DPP6: variants seen among roughly 807,000 people sequenced by gnomAD.
DPP6 encodes the protein A-type potassium channel modulatory protein DPP6.
DPP6 carries 69 observed loss-of-function variants against 122.6 expected under a neutral mutation model. The ratio of observed to expected loss-of-function variants is 0.56; its 90% confidence interval spans 0.46 to 0.69. The LOEUF (loss-of-function observed/expected upper bound fraction) is 0.69, where lower values mean the gene tolerates loss of function less well. DPP6 is among the 30% of genes least tolerant of loss of function. DPP6 has a pLI of 0.00. For missense variants in DPP6, 928 were observed against 1,116.9 expected (o/e 0.83, Z 2.41); for synonymous variants, 418 against 433.1 (o/e 0.97, Z 0.43).
intron 1 of DPP6, among the ~76,000 whole-genome samples, chr7:153,950,829 G>T (rs1315519724): frequency 1.3e-5 from 2 of 152,220 alleles, no homozygotes; most frequent in Non-Finnish European, 2.9e-5. Flanking sequence ...ATGCAGTAAA[G>T]AGTTGGCTCT....
Position 154,853,493 on chromosome 7 carries a change from G to A in DPP6, c.1667-287G>A, listed in dbSNP as rs545863946. Among the ~76,000 whole-genome samples, 38 of 152,310 alleles carry A rather than the reference G, an allele frequency of 2.5e-4. No homozygotes were observed. In the Middle Eastern group the frequency reaches 0.017, roughly 68 times the overall value. On this transcript the variant is annotated intron_variant, in intron 16 of 25. Coordinates refer to ENST00000377770, the MANE Select transcript of DPP6 (RefSeq NM_130797.4). ...GATGTTATGAGGATATAAACCAAAT[G>A]TAATGCTTCATAGAATGATGTTTTA... is the stretch of plus-strand genomic sequence containing the variant.
chr7:154,740,356 T>G (rs1226692614), intron 8 of DPP6, among the ~76,000 whole-genome samples: 1 of 152,060 alleles, frequency 6.6e-6, no homozygotes, highest in Non-Finnish European at 1.5e-5. Context: ...ATTTGCCCTA[T>G]TATTGAGAGT....
intron 17 of DPP6, among the ~76,000 whole-genome samples, chr7:154,854,336 G>A (rs1043813965): frequency 3.9e-5 from 6 of 152,224 alleles, no homozygotes; most frequent in African/African-American, 1.2e-4. Flanking sequence ...TGTGAAAGGG[G>A]AGGGAGATTC....
At chr7:154,540,493 G>C (rs372303793) in intron 3 of DPP6, 39 bp from the exon 4 acceptor site, 8 of 1,267,650 alleles carry the variant, frequency 6.3e-6, no homozygotes, top group Non-Finnish European at 9.1e-6. Context: ...AGAGTTCCTT[G>C]ATGTTTCATG....
intron 17 of DPP6, among the ~76,000 whole-genome samples, chr7:154,865,827 G>C (rs1803823694): frequency 6.6e-6 from 1 of 152,068 alleles, no homozygotes; most frequent in Non-Finnish European, 1.5e-5. Context: ...GAAAGACTTG[G>C]GTAGAAACCC....
intron 16 of DPP6, among the ~76,000 whole-genome samples, chr7:154,812,599 C>G (rs1317693499): frequency 6.6e-6 from 1 of 152,082 alleles, no homozygotes; most frequent in East Asian, 1.9e-4. Context: ...TATAAGTGCA[C>G]TAATGCCATT....
At chr7:153,778,728 G>A in the DPP6 span, among the ~76,000 whole-genome samples, 1 of 151,422 alleles carries the variant, frequency 6.6e-6, no homozygotes, top group Non-Finnish European at 1.5e-5. Flanking sequence ...CCTCATACAG[G>A]GCTGGTGGAA....
chr7:154,500,137 A>G (rs1825105958), intron 3 of DPP6, among the ~76,000 whole-genome samples: 1 of 152,174 alleles, frequency 6.6e-6, no homozygotes, highest in South Asian at 2.1e-4. Context: ...TTTCAGAAGG[A>G]AAGCAGGTGA....
intron 4 of DPP6, among the ~76,000 whole-genome samples, chr7:154,543,613 A>C (rs1828905074): frequency 6.6e-6 from 1 of 152,198 alleles, no homozygotes; most frequent in Non-Finnish European, 1.5e-5. Context: ...ATTTCTTTTG[A>C]CTAAATTTAC....
chr7:153,780,022 A>C, the DPP6 span, among the ~76,000 whole-genome samples: 2 of 151,722 alleles, frequency 1.3e-5, no homozygotes, highest in Admixed American at 1.3e-4. Context: ...GTTATTTCAA[A>C]GAGTTAAAAA....
chr7:153,924,849 C>T (rs1035195497), intron 1 of DPP6, among the ~76,000 whole-genome samples: 38 of 152,172 alleles, frequency 2.5e-4, no homozygotes, highest in African/African-American at 9.2e-4. Context: ...CAGGGGGTAG[C>T]AGGGGTCCAT....
At chr7:154,383,542 G>GA (rs796264245) in intron 1 of DPP6, among the ~76,000 whole-genome samples, 22 of 152,276 alleles carry the variant, frequency 1.4e-4, no homozygotes, top group African/African-American at 5.3e-4. Flanking sequence ...ATAATTACAT[G>GA]AAAAAATATG....
intron 16 of DPP6, among the ~76,000 whole-genome samples, chr7:154,814,069 C>T (rs1799259707): frequency 6.6e-6 from 1 of 151,646 alleles, no homozygotes; most frequent in Non-Finnish European, 1.5e-5. Context: ...TTAGTAGAGA[C>T]GGGGTTTTGC....
At chr7:153,818,157 A>G in the DPP6 span, among the ~76,000 whole-genome samples, 2 of 151,928 alleles carry the variant, frequency 1.3e-5, no homozygotes, top group Non-Finnish European at 2.9e-5. Context: ...GCATATATAT[A>G]TATATATTCT....
At chr7:154,067,739 G>T (rs1802831009) in intron 1 of DPP6, among the ~76,000 whole-genome samples, 1 of 152,102 alleles carries the variant, frequency 6.6e-6, no homozygotes, top group Non-Finnish European at 1.5e-5. Flanking sequence ...AGCAGTGTAA[G>T]AGTTTTTGTT....
At chr7:154,827,733 GGGT>G (rs1800284089) in intron 16 of DPP6, among the ~76,000 whole-genome samples, 1 of 121,702 alleles carries the variant, frequency 8.2e-6, no homozygotes, top group Non-Finnish European at 1.7e-5. Flanking sequence ...GGCGGGGGGG[GGGT>G]GGTGTCGGAG....
chr7:154,828,859 A>G (rs1379318060), intron 16 of DPP6, among the ~76,000 whole-genome samples: 1 of 152,074 alleles, frequency 6.6e-6, no homozygotes, highest in Non-Finnish European at 1.5e-5. Flanking sequence ...TTCAGAGTCA[A>G]CTCTCAGTAG....
chr7:153,918,100 TTAAC>T (rs1489860717), intron 1 of DPP6, among the ~76,000 whole-genome samples: 1 of 152,172 alleles, frequency 6.6e-6, no homozygotes. Context: ...AACTGGTACT[TTAAC>T]TACCACATGG....
chr7:153,899,342 G>A (rs764340169), intron 1 of DPP6, among the ~76,000 whole-genome samples: 62 of 152,106 alleles, frequency 4.1e-4, no homozygotes, highest in Admixed American at 6.6e-4. Flanking sequence ...CAGTTTGGTC[G>A]CCTCTAATCA....
Sources: allele counts gnomAD v4.1 joint callset (sites outside exome capture counted in the v4.1 genomes callset), GRCh38; gene constraint gnomAD v4.1.1; transcripts MANE v1.5; gene names NCBI Gene and HGNC (gene_info 2026-07-23, HGNC 2026-07-21).